Variants in ZNF654 observed in about 807,000 individuals in gnomAD.
ZNF654 encodes zinc finger protein 654.
Under a neutral mutation model 95.3 loss-of-function variants are expected in ZNF654, and 19 were observed. The ratio of observed to expected loss-of-function variants is 0.20; its 90% CI spans 0.14 to 0.29. The LOEUF (loss-of-function observed/expected upper bound fraction) is 0.29, where lower values mean the gene tolerates loss of function less well. Ranked by LOEUF, ZNF654 falls within the 10% of genes least tolerant of loss-of-function variation. ZNF654 has a pLI of 1.00. For synonymous variants in ZNF654, 413 were observed against 457.9 expected (o/e 0.90, Z 1.25); for missense variants, 1,046 against 1,341.0 (o/e 0.78, Z 3.44).
chr3:88,116,559 T>TACACACACAC (rs140401038), intron 3 of ZNF654, among the ~76,000 whole-genome samples: 78,171 of 146,382 alleles, frequency 0.53, 22,232 homozygotes, highest in South Asian at 0.82. Flanking sequence ...CATACATATA[T>TACACACACAC]ATACACACAC....
chr3:88,071,678 C>T (rs1321631386), intron 1 of ZNF654, among the ~76,000 whole-genome samples: 2 of 151,140 alleles, frequency 1.3e-5, no homozygotes, highest in Admixed American at 1.3e-4. Flanking sequence ...GTGGCGGGTG[C>T]CTTTAATCTC....
intron 1 of ZNF654, among the ~76,000 whole-genome samples, chr3:88,084,633 T>C (rs1708245560): frequency 6.6e-6 from 1 of 152,206 alleles, no homozygotes; most frequent in Admixed American, 6.5e-5. Flanking sequence ...GAGTACCTGG[T>C]ACTGCCATTT....
chr3:88,126,129 C>T lies in ZNF654; in HGVS notation c.415-5C>T. ...CACAGAGCCAAAATGATTTTTCTCT[C>T]CTAGGAATGCCAGAATCACCTCCGC... On this transcript the variant is annotated splice_polypyrimidine_tract_variant and splice_region_variant and intron_variant, in intron 3 of 8. Transcript: ENST00000636215. 5.3e-6 allele frequency: 8 copies of T among 1,497,838 alleles called. No homozygotes were observed. The highest frequency in any genetic ancestry group is 7.1e-6 in the Non-Finnish European group (8 of 1,126,900). The allele number at this position is 1,497,838 out of a possible 1,614,324, so 92.8% of individuals were successfully genotyped here.
intron 6 of ZNF654, among the ~76,000 whole-genome samples, chr3:88,131,187 AATGGTAAGT>A (rs1706438103): frequency 1.3e-5 from 2 of 152,200 alleles, no homozygotes; most frequent in Non-Finnish European, 2.9e-5. Context: ...ATTATAACAC[AATGGTAAGT>A]ATTTGTCTAT....
At chr3:88,089,114 G>A (rs1708500974) in intron 2 of ZNF654, among the ~76,000 whole-genome samples, 1 of 150,556 alleles carries the variant, frequency 6.6e-6, no homozygotes, top group Non-Finnish European at 1.5e-5. Context: ...ATTTTGTGAT[G>A]CCGGAAGGAA....
chr3:88,122,737 C>T lies in ZNF654; in HGVS notation c.415-3397C>T, dbSNP rs183410696. ...AAAATACAATATGTATGGCTGGGTA[C>T]GGTGGCTCATACCTGTAATCCCAGC... On this transcript the variant is annotated intron_variant, in intron 3 of 8. Transcript: ENST00000636215. Among the ~76,000 whole-genome samples, 158 of 152,020 alleles carry T rather than the reference C, an allele frequency of 1.0e-3. 1 individual carries two copies. The highest frequency in any genetic ancestry group is 2.7e-3 in the African/African-American group (113 of 41,494).
At chr3:88,109,773 T>C (rs1057265355) in intron 2 of ZNF654, among the ~76,000 whole-genome samples, 20 of 152,164 alleles carry the variant, frequency 1.3e-4, no homozygotes, top group Non-Finnish European at 2.4e-4. Flanking sequence ...AAAATTTTTT[T>C]ATAAATGTAT....
intron 5 of ZNF654, among the ~76,000 whole-genome samples, chr3:88,129,321 T>TATA (rs1553699717): frequency 1.3e-5 from 1 of 76,948 alleles, no homozygotes; most frequent in Non-Finnish European, 2.4e-5. Context: ...TTGCCAGGAG[T>TATA]AAAAAAAAAA....
chr3:88,124,280 C>G (rs1387768894), intron 3 of ZNF654, among the ~76,000 whole-genome samples: 2 of 152,178 alleles, frequency 1.3e-5, no homozygotes, highest in Non-Finnish European at 2.9e-5. Context: ...GAGGAATTGA[C>G]TGATAGAGCA....
At chr3:88,111,887 T>A (rs936564609) in intron 2 of ZNF654, among the ~76,000 whole-genome samples, 5 of 151,966 alleles carry the variant, frequency 3.3e-5, no homozygotes, top group Admixed American at 6.6e-5. Flanking sequence ...TTAATCTTTA[T>A]AATTTTGGCC....
At position 88,134,972 on chromosome 3, in the gene ZNF654, C is replaced by T. The variant is rs115888436; in HGVS notation, c.894-89C>T. The T allele has an allele frequency of 6.4e-4, 596 of 930,854 alleles. 2 individuals are homozygous for T. In the African/African-American group the frequency reaches 9.4e-3, roughly 15 times the overall value. 57.7% of individuals were successfully genotyped at this position (930,854 alleles called of 1,614,324 possible). ...TATTTACACTCATATACATCCCAGCCAGGGCACTATAGAATCAGGGAAAGA... is the reference window on the plus strand; with the variant it reads ...TATTTACACTCATATACATCCCAGCTAGGGCACTATAGAATCAGGGAAAGA... On this transcript the variant is annotated intron_variant, in intron 6 of 8. Coordinates refer to ENST00000636215, the MANE Select transcript of ZNF654 (RefSeq NM_001350134.2).
chr3:88,140,338 C>A lies in ZNF654; in HGVS notation c.2669C>A (p.Thr890Lys). ...PSETILWDVQ[T>K]DSNPNQEKDS... ...GAAACAATTCTTTGGGATGTTCAGA[C>A]AGACTCAAATCCTAATCAGGAAAAA... is the stretch of plus-strand genomic sequence containing the variant. Residue 890 changes from threonine to lysine, a missense_variant, in exon 8 of 9, where the codon ACA becomes AAA. Physicochemically the swap from Thr to Lys is moderately conservative, Grantham distance 78. This residue lies in a region of ZNF654 where 495 missense variants were observed against 537.0 expected (regional missense o/e 0.92). Transcript: ENST00000636215. 1 of 1,613,572 alleles carries A rather than the reference C, an allele frequency of 6.2e-7. No homozygotes were observed.
At position 88,143,759 on chromosome 3, in the gene ZNF654, A is replaced by C. The variant is rs2107913388; in HGVS notation, c.*2107A>C. 6.6e-6 allele frequency: 1 copy of C among 152,248 alleles called. No homozygotes were observed. The highest frequency in any genetic ancestry group is 3.4e-3 in the Middle Eastern group (1 of 294). The allele number at this position is 152,248 out of a possible 1,614,324, so 9.4% of individuals were successfully genotyped here. ...AATTATTTCTGCAAGACTGAGATCAAACTGGTTTATATATAACTAAATCAA... is the reference window on the plus strand; with the variant it reads ...AATTATTTCTGCAAGACTGAGATCACACTGGTTTATATATAACTAAATCAA... On this transcript the variant is annotated 3_prime_UTR_variant, in exon 9 of 9. Coordinates refer to ENST00000636215, the MANE Select transcript of ZNF654 (RefSeq NM_001350134.2).
chr3:88,073,304 T>C (rs1411158489), intron 1 of ZNF654, among the ~76,000 whole-genome samples: 1 of 151,992 alleles, frequency 6.6e-6, no homozygotes, highest in Non-Finnish European at 1.5e-5. Flanking sequence ...GAACATAAAC[T>C]CAAAAAAGAA....
Position 88,139,454 on chromosome 3 carries a change from T to A in ZNF654, c.1785T>A (p.Val595=). 2 of 1,613,840 alleles carry A rather than the reference T, an allele frequency of 1.2e-6. No homozygotes were observed. The highest frequency in any genetic ancestry group is 1.7e-6 in the Non-Finnish European group (2 of 1,179,814). The change falls in exon 8 of 9, where the codon GTT becomes GTA. Residue 595 remains valine, a synonymous_variant. Transcript: ENST00000636215. Reference sequence around the variant, plus strand: ...TGCAGAAGCATTTGAAGAATCATGTTAAGAAGATACAGAGGCAGCAAATTG... The same window carrying A: ...TGCAGAAGCATTTGAAGAATCATGTAAAGAAGATACAGAGGCAGCAAATTG... ...GLMQKHLKNH[V]KKIQRQQIAA...
intron 2 of ZNF654, among the ~76,000 whole-genome samples, chr3:88,087,962 C>A (rs971679230): frequency 1.3e-5 from 2 of 152,166 alleles, no homozygotes; most frequent in South Asian, 4.1e-4. Flanking sequence ...TGGAACGTTA[C>A]AGATTTCAGA....
chr3:88,085,789 T>G (rs1393548679), intron 1 of ZNF654, among the ~76,000 whole-genome samples: 2 of 152,202 alleles, frequency 1.3e-5, no homozygotes, highest in Non-Finnish European at 2.9e-5. Flanking sequence ...AGGTTAAATA[T>G]TCATAATCAG....
At chr3:88,120,228 G>A (rs1460559814) in intron 3 of ZNF654, among the ~76,000 whole-genome samples, 2 of 152,186 alleles carry the variant, frequency 1.3e-5, no homozygotes, top group East Asian at 3.9e-4. Flanking sequence ...AGCAGAATGA[G>A]GGCCTAAGTC....
At chr3:88,067,443 T>C (rs1454639687) in intron 1 of ZNF654, among the ~76,000 whole-genome samples, 2 of 152,204 alleles carry the variant, frequency 1.3e-5, no homozygotes, top group Admixed American at 6.5e-5. Context: ...CGAAGTCATA[T>C]GTGTGAATGA....
Sources: allele counts gnomAD v4.1 joint callset (sites outside exome capture counted in the v4.1 genomes callset), GRCh38; gene constraint gnomAD v4.1.1; regional missense constraint gnomAD v4.1.1; transcripts MANE v1.5; gene names NCBI Gene and HGNC (gene_info 2026-07-23, HGNC 2026-07-21).